The following HIVEP3 variants were observed in gnomAD, a reference collection of about 807,000 sequenced individuals.
HIVEP3 encodes HIVEP zinc finger 3.
In HIVEP3, 49 loss-of-function variants were observed where a neutral mutation model predicts 152.8. The ratio of observed to expected loss-of-function variants is 0.32; its 90% CI spans 0.26 to 0.41. The LOEUF is 0.41. HIVEP3 is among the 10% of genes least tolerant of loss of function. The pLI is 1.00. For synonymous variants in HIVEP3, 1,269 were observed against 1,289.0 expected (o/e 0.98, Z 0.33); for missense variants, 2,790 against 3,103.3 (o/e 0.90, Z 2.40).
chr1:41,665,598 C>G (rs1645782821), intron 2 of HIVEP3, among the ~76,000 whole-genome samples: 1 of 149,926 alleles, frequency 6.7e-6, no homozygotes, highest in African/African-American at 2.5e-5. Flanking sequence ...TAGGGGCATA[C>G]AAGATGGAAA....
chr1:41,561,164 C>T (rs1644054658), intron 5 of HIVEP3, among the ~76,000 whole-genome samples: 1 of 152,206 alleles, frequency 6.6e-6, no homozygotes, highest in Non-Finnish European at 1.5e-5. Flanking sequence ...ATAGTTCATC[C>T]AAACCACATG....
chr1:41,858,375 C>CAATTTATAAATAATTTATAATTTATAATT (rs1643827520), intron 1 of HIVEP3, among the ~76,000 whole-genome samples: 1 of 152,198 alleles, frequency 6.6e-6, no homozygotes, highest in Non-Finnish European at 1.5e-5. Context: ...TATTCATGCC[C>CAATTTATAAATAATTTATAATTTATAATT]TGTCATTCAC....
At chr1:41,527,657 G>A (rs564347273) in intron 5 of HIVEP3, among the ~76,000 whole-genome samples, 27 of 24,008 alleles carry the variant, frequency 1.1e-3, no homozygotes, top group African/African-American at 3.4e-3. Context: ...TCACACACCC[G>A]TTCTCACACA....
chr1:41,637,305 G>C (rs190723515), intron 2 of HIVEP3, among the ~76,000 whole-genome samples: 13 of 152,310 alleles, frequency 8.5e-5, no homozygotes, highest in African/African-American at 3.1e-4. Flanking sequence ...ACACACAATG[G>C]AATAGTCATG....
rs1478546196 is a variant in HIVEP3, at chr1:41,718,775, CA to C, written c.-800-17781del. Among the ~76,000 whole-genome samples the C allele has an allele frequency of 2.8e-5, 3 of 106,274 alleles. No homozygotes were observed. The African/African-American group carries it at 3.1e-4, about 11-fold the overall frequency. The allele number at this position is 106,274 out of a possible 152,430, so 69.7% of individuals were successfully genotyped here. A position where few individuals can be genotyped will look rare whatever the true frequency, so the allele number is the denominator to read the frequency against. On this transcript the variant is annotated intron_variant, in intron 1 of 8. Coordinates refer to ENST00000372583, the MANE Select transcript of HIVEP3 (RefSeq NM_024503.5). ...TCTCTTTCTTTCTCTCTTTCACACC[CA>C]CACACACACACACACACACACGTGC...
rs528613939 is a variant in HIVEP3, at chr1:41,771,249, A to G, written c.-800-70254T>C. On this transcript the variant is annotated intron_variant, in intron 1 of 8. Transcript: ENST00000372583. ...AAAAATAATTTCAATTGCTGTTTCTAAAAGTTGGTCTGTGAAGACCTTACC... is the reference window on the plus strand; with the variant it reads ...AAAAATAATTTCAATTGCTGTTTCTGAAAGTTGGTCTGTGAAGACCTTACC... Among the ~76,000 whole-genome samples the G allele has an allele frequency of 3.9e-5, 6 of 152,272 alleles. No homozygotes were observed. The East Asian group carries it at 1.2e-3, about 29-fold the overall frequency.
intron 1 of HIVEP3, among the ~76,000 whole-genome samples, chr1:41,916,401 A>C (rs1294035271): frequency 6.6e-6 from 1 of 152,196 alleles, no homozygotes; most frequent in Non-Finnish European, 1.5e-5. Context: ...CAAATTAACA[A>C]ATCTGCCCAA....
At chr1:41,974,254 G>A (rs547163682) in intron 1 of HIVEP3, among the ~76,000 whole-genome samples, 6 of 152,218 alleles carry the variant, frequency 3.9e-5, no homozygotes, top group Non-Finnish European at 8.8e-5. Context: ...AGGGGACAGA[G>A]AAGACATCTG....
At chr1:41,934,038 T>C (rs1311182575) in intron 1 of HIVEP3, among the ~76,000 whole-genome samples, 1 of 152,138 alleles carries the variant, frequency 6.6e-6, no homozygotes. Context: ...GTCACACTAA[T>C]TAAGGCTTTT....
intron 1 of HIVEP3, among the ~76,000 whole-genome samples, chr1:41,935,755 T>TTA (rs1645017195): frequency 1.4e-5 from 2 of 147,068 alleles, no homozygotes; most frequent in South Asian, 4.2e-4. Context: ...TATATATATT[T>TTA]TATATATATA....
intron 3 of HIVEP3, among the ~76,000 whole-genome samples, chr1:41,622,289 C>T (rs1645057551): frequency 6.6e-6 from 1 of 152,040 alleles, no homozygotes; most frequent in Admixed American, 6.5e-5. Context: ...GGTCCTAATG[C>T]CATGGGGAAG....
At chr1:41,615,266 C>T (rs926310885) in intron 3 of HIVEP3, among the ~76,000 whole-genome samples, 2 of 152,188 alleles carry the variant, frequency 1.3e-5, no homozygotes, top group Non-Finnish European at 2.9e-5. Context: ...TAAAGAACTT[C>T]CAGCATGTTC....
intron 1 of HIVEP3, among the ~76,000 whole-genome samples, chr1:41,893,136 A>C (rs1444521313): frequency 1.3e-5 from 2 of 151,774 alleles, no homozygotes; most frequent in Non-Finnish European, 2.9e-5. Flanking sequence ...AAAAAAAAAA[A>C]AAAAAACAGA....
intron 1 of HIVEP3, among the ~76,000 whole-genome samples, chr1:41,908,838 C>T (rs954522485): frequency 6.6e-6 from 1 of 152,188 alleles, no homozygotes; most frequent in African/African-American, 2.4e-5. Flanking sequence ...ACAAAGTGAC[C>T]TTCACTTTTA....
intron 1 of HIVEP3, among the ~76,000 whole-genome samples, chr1:41,820,909 A>G (rs1210613110): frequency 6.6e-6 from 1 of 152,230 alleles, no homozygotes; most frequent in Non-Finnish European, 1.5e-5. Context: ...GAAATCCTTT[A>G]TCTCTACATA....
rs58319899 is a variant in HIVEP3 at position 41,562,643 on chromosome 1, CTCTT to C, written c.5207+12897_5207+12900del. 2.1e-3 allele frequency among the ~76,000 whole-genome samples: 253 copies of C among 119,480 alleles called. 1 individual carries two copies. Among genetic ancestry groups the C allele is most frequent in the African/African-American group, 5.9e-3 (182 of 30,890 alleles). 78.4% of individuals were successfully genotyped at this position (119,480 alleles called of 152,430 possible). On this transcript the variant is annotated intron_variant, in intron 5 of 8. Coordinates refer to ENST00000372583, the MANE Select transcript of HIVEP3 (RefSeq NM_024503.5). Reference sequence around the variant, plus strand: ...TCTCTCTCTCTCTCTCCCTCTCTCTCTCTTTCTTTCTTTCTTTCTTTTCTTTTGG... The same window carrying C: ...TCTCTCTCTCTCTCTCCCTCTCTCTCTCTTTCTTTCTTTCTTTTCTTTTGG...
intron 1 of HIVEP3, among the ~76,000 whole-genome samples, chr1:41,960,604 G>C (rs866053454): frequency 5.3e-5 from 8 of 152,118 alleles, no homozygotes; most frequent in Middle Eastern, 3.2e-3. Flanking sequence ...TTTTTTCCTA[G>C]TTTCTTCTCT....
intron 1 of HIVEP3, among the ~76,000 whole-genome samples, chr1:41,767,552 C>T (rs1328714638): frequency 6.6e-6 from 1 of 152,172 alleles, no homozygotes; most frequent in Non-Finnish European, 1.5e-5. Flanking sequence ...GCAGCCCTGC[C>T]TTTGTCCTGA....
At chr1:42,008,665 T>C (rs1645475439) in intron 1 of HIVEP3, among the ~76,000 whole-genome samples, 1 of 152,224 alleles carries the variant, frequency 6.6e-6, no homozygotes, top group African/African-American at 2.4e-5. Flanking sequence ...GGAAGTAAAC[T>C]TCCTGAATTC....
Sources: gnomAD v4.1 joint callset for allele counts (sites outside exome capture counted in the v4.1 genomes callset) on GRCh38, gnomAD v4.1.1 for gene constraint, MANE v1.5 for transcripts, NCBI Gene and HGNC (gene_info 2026-07-23, HGNC 2026-07-21) for gene names.